Variants in CNTLN observed in about 807,000 individuals in gnomAD.
The protein encoded by CNTLN is centlein, centrosomal protein.
CNTLN carries 212 observed loss-of-function variants against 180.0 expected under a neutral mutation model. The observed-to-expected ratio is 1.18, with a 90% confidence interval of 1.05 to 1.32. The LOEUF (loss-of-function observed/expected upper bound fraction) is 1.32. Among genes scored for constraint, CNTLN ranks in the 40% most tolerant of loss-of-function variants. The pLI, the probability that CNTLN is intolerant of heterozygous loss-of-function variation, is 0.00. For missense variants in CNTLN, 2,095 were observed against 1,610.9 expected, an observed-to-expected ratio of 1.30 and a Z score of -5.14; for synonymous variants, 722 against 563.1, an observed-to-expected ratio of 1.28 and a Z score of -3.99.
intron 2 of CNTLN, among the ~76,000 whole-genome samples, chr9:17,148,529 GTTT>G (rs1818613558): frequency 6.6e-6 from 1 of 152,178 alleles, no homozygotes; most frequent in Non-Finnish European, 1.5e-5. Context: ...CTAACCCATT[GTTT>G]TCTCCCTATG....
At chr9:17,216,787 C>T (rs976493893) in intron 2 of CNTLN, among the ~76,000 whole-genome samples, 1 of 152,176 alleles carries the variant, frequency 6.6e-6, no homozygotes, top group Non-Finnish European at 1.5e-5. Flanking sequence ...TACCCTGTCC[C>T]ATGTGTATTA....
At chr9:17,488,885 C>T (rs142648791) in intron 25 of CNTLN, among the ~76,000 whole-genome samples, 19 of 152,124 alleles carry the variant, frequency 1.2e-4, no homozygotes, top group East Asian at 5.8e-4. Flanking sequence ...ACTGGGAAAC[C>T]GCTGCTGTTG....
At position 17,299,815 on chromosome 9, in the gene CNTLN, G is replaced by T. The variant is rs147328513; in HGVS notation, c.1146+1463G>T. The T allele has an allele frequency of 1.1e-3, 1,083 of 983,784 alleles. 10 individuals carry two copies. In the African/African-American group the frequency reaches 0.018, roughly 16 times the overall value. 60.9% of individuals were successfully genotyped at this position (983,784 alleles called of 1,614,324 possible). ...TTTCCCCCATTGATGACTTTCTGTTGCTTGGAACATTTTTTTTCTGTTGCT... is the reference window on the plus strand; with the variant it reads ...TTTCCCCCATTGATGACTTTCTGTTTCTTGGAACATTTTTTTTCTGTTGCT... On this transcript the variant is annotated intron_variant, in intron 7 of 25. Transcript: ENST00000380647.
chr9:17,394,593 A>T lies in CNTLN; in HGVS notation c.2139A>T (p.Glu713Asp), dbSNP rs1564066024. 6 of 1,595,944 alleles carry T rather than the reference A, an allele frequency of 3.8e-6. No individual in the cohort carries two copies. Among genetic ancestry groups the T allele is most frequent in the Non-Finnish European group, 5.1e-6 (6 of 1,175,326 alleles). Reference sequence around the variant, plus strand: ...AGAAAAGGTCGAGAAAATTAAAAGAAGGGAATAAAAAATTAATGAAAGAAA... The same window carrying T: ...AGAAAAGGTCGAGAAAATTAAAAGATGGGAATAAAAAATTAATGAAAGAAA... ...SFEKRSRKLK[E>D]GNKKLMKEND... The change falls in exon 15 of 26, where the codon GAA becomes GAT. Residue 713 changes from glutamate (E) to aspartate (D), a missense_variant. Physicochemically the swap from Glu to Asp is conservative, Grantham distance 45 (BLOSUM62 2). Transcript: ENST00000380647.
At chr9:17,247,811 A>G (rs1390665018) in intron 5 of CNTLN, among the ~76,000 whole-genome samples, 3 of 134,180 alleles carry the variant, frequency 2.2e-5, no homozygotes, top group Non-Finnish European at 4.8e-5. Context: ...TATTGAAATG[A>G]TCATGTGGTT....
chr9:17,382,344 A>G (rs1825320633), intron 13 of CNTLN, among the ~76,000 whole-genome samples: 1 of 152,186 alleles, frequency 6.6e-6, no homozygotes, highest in Non-Finnish European at 1.5e-5. Flanking sequence ...ATTGTGTTGG[A>G]TACATACCAA....
chr9:17,489,571 AT>A (rs779360102), intron 25 of CNTLN, among the ~76,000 whole-genome samples: 1 of 151,692 alleles, frequency 6.6e-6, no homozygotes, highest in Non-Finnish European at 1.5e-5. Flanking sequence ...GTTAAAAAAA[AT>A]ATTTTTTTTT....
intron 10 of CNTLN, among the ~76,000 whole-genome samples, chr9:17,333,402 T>G (rs987836984): frequency 2.6e-5 from 4 of 152,120 alleles, no homozygotes; most frequent in Non-Finnish European, 5.9e-5. Context: ...CATTCTTCAT[T>G]CACAATTACC....
chr9:17,517,118 G>A, the CNTLN span, among the ~76,000 whole-genome samples: 14 of 152,168 alleles, frequency 9.2e-5, no homozygotes, highest in East Asian at 1.9e-4. Context: ...TTGGCCGGGC[G>A]CGGTGGCTCA....
At chr9:17,249,603 C>T (rs542840673) in intron 5 of CNTLN, among the ~76,000 whole-genome samples, 1 of 152,070 alleles carries the variant, frequency 6.6e-6, no homozygotes, top group Admixed American at 6.6e-5. Flanking sequence ...CCTTCCTCGG[C>T]CCCCCAAAGT....
intron 3 of CNTLN, among the ~76,000 whole-genome samples, chr9:17,231,167 A>T (rs567899150): frequency 1.1e-4 from 16 of 152,238 alleles, no homozygotes; most frequent in African/African-American, 3.9e-4. Context: ...TATATGCTGG[A>T]CTGGAAACCA....
At chr9:17,511,692 A>C in the CNTLN span, among the ~76,000 whole-genome samples, 1 of 151,282 alleles carries the variant, frequency 6.6e-6, no homozygotes, top group African/African-American at 2.4e-5. Context: ...ACACCCACAC[A>C]CACACACCAG....
At chr9:17,480,340 C>T (rs545092800) in intron 23 of CNTLN, among the ~76,000 whole-genome samples, 1 of 126,316 alleles carries the variant, frequency 7.9e-6, no homozygotes, top group East Asian at 2.3e-4. Flanking sequence ...CAATATTATT[C>T]CAAGACAAAA....
intron 18 of CNTLN, among the ~76,000 whole-genome samples, chr9:17,435,466 A>G (rs1264886857): frequency 6.6e-6 from 1 of 152,180 alleles, no homozygotes; most frequent in Non-Finnish European, 1.5e-5. Flanking sequence ...TGTTAAGACT[A>G]TGATTAAAAG....
At chr9:17,211,338 T>G (rs1327311265) in intron 2 of CNTLN, among the ~76,000 whole-genome samples, 5 of 152,232 alleles carry the variant, frequency 3.3e-5, no homozygotes, top group African/African-American at 4.8e-5. Context: ...CTTGTTTTTG[T>G]CAGGTTTGTC....
chr9:17,419,545 T>C (rs1157639564), intron 18 of CNTLN, among the ~76,000 whole-genome samples: 1 of 152,142 alleles, frequency 6.6e-6, no homozygotes, highest in Non-Finnish European at 1.5e-5. Context: ...ATACACTATT[T>C]AATTTAGACA....
At chr9:17,486,535 T>C (rs1326406859) in intron 24 of CNTLN, among the ~76,000 whole-genome samples, 1 of 152,134 alleles carries the variant, frequency 6.6e-6, no homozygotes, top group Non-Finnish European at 1.5e-5. Flanking sequence ...AACAAGCATT[T>C]AAATATACCG....
intron 18 of CNTLN, among the ~76,000 whole-genome samples, chr9:17,456,384 C>T (rs1468589479): frequency 1.1e-4 from 17 of 151,818 alleles, no homozygotes; most frequent in African/African-American, 3.6e-4. Context: ...TTTTTTTCAC[C>T]ACAGCATACT....
At chr9:17,188,833 C>G (rs1268989360) in intron 2 of CNTLN, among the ~76,000 whole-genome samples, 1 of 151,804 alleles carries the variant, frequency 6.6e-6, no homozygotes, top group Non-Finnish European at 1.5e-5. Flanking sequence ...AAAACTGTTT[C>G]AAGGTTTTTG....
Sources: allele counts gnomAD v4.1 joint callset (sites outside exome capture counted in the v4.1 genomes callset), GRCh38; gene constraint gnomAD v4.1.1; transcripts MANE v1.5; gene names NCBI Gene and HGNC (gene_info 2026-07-23, HGNC 2026-07-21).